Variants in PPP1R36 observed in about 807,000 individuals in gnomAD.
PPP1R36 encodes the protein protein phosphatase 1 regulatory subunit 36.
PPP1R36 carries 47 observed loss-of-function variants against 53.4 expected under a neutral mutation model. That is an observed-to-expected ratio of 0.88 (90% CI 0.70 to 1.12). PPP1R36 has a LOEUF of 1.12. Ranked by LOEUF, PPP1R36 falls within the 50% of genes most tolerant of loss-of-function variation. The pLI is 0.00. For synonymous variants in PPP1R36, 153 were observed against 170.5 expected, an observed-to-expected ratio of 0.90 and a Z score of 0.80; for missense variants, 456 against 513.9, an observed-to-expected ratio of 0.89 and a Z score of 1.09.
chr14:64,582,374 G>A (rs1357690301), intron 8 of PPP1R36, among the ~76,000 whole-genome samples: 3 of 152,120 alleles, frequency 2.0e-5, no homozygotes, highest in Non-Finnish European at 4.4e-5. Flanking sequence ...ATTTTGATTT[G>A]GAGCCAAGAG....
At position 64,589,329 on chromosome 14, in the gene PPP1R36, C is replaced by A. The variant is rs1242478341; in HGVS notation, c.1260C>A (p.Cys420Ter). The A allele has an allele frequency of 6.2e-7, 1 of 1,607,284 alleles. No homozygotes were observed. The highest frequency in any genetic ancestry group is 2.2e-5 in the East Asian group (1 of 44,684). Residue 420 changes from cysteine to a stop codon, truncating the protein, a stop_gained, in exon 12 of 12, where the codon TGC (cysteine) becomes TGA (stop). Coordinates refer to ENST00000298705, the MANE Select transcript of PPP1R36 (RefSeq NM_172365.3). LOFTEE classifies it high-confidence loss of function. Reference sequence around the variant, plus strand: ...AAACACTGTCCTCTCATACATCATGCCCTAAGTAACCTGGTACATTCCATA... The same window carrying A: ...AAACACTGTCCTCTCATACATCATGACCTAAGTAACCTGGTACATTCCATA... ...VMKTLSSHTS[C>*]PK
chr14:64,565,750 A>G, intron 6 of PPP1R36, 58 bp downstream of exon 6: 2 of 1,268,854 alleles, frequency 1.6e-6, no homozygotes, highest in South Asian at 2.4e-5. Context: ...CAGTAACTTC[A>G]TCTGATAAGT....
At chr14:64,554,442 CA>C (rs1192555304) in intron 3 of PPP1R36, among the ~76,000 whole-genome samples, 5 of 150,476 alleles carry the variant, frequency 3.3e-5, no homozygotes, top group Non-Finnish European at 7.4e-5. Flanking sequence ...TGAGCCACCA[CA>C]CCTGGCTTCA....
At chr14:64,564,873 T>TC in intron 4 of PPP1R36, 36 bp downstream of exon 4, 7 of 1,378,168 alleles carry the variant, frequency 5.1e-6, no homozygotes, top group Non-Finnish European at 6.1e-6. Flanking sequence ...GAGTTGCTGA[T>TC]AGCATCTCTC....
intron 3 of PPP1R36, among the ~76,000 whole-genome samples, chr14:64,554,951 A>G (rs1396074061): frequency 6.6e-6 from 1 of 152,144 alleles, no homozygotes; most frequent in Non-Finnish European, 1.5e-5. Context: ...CTTAGGAGAA[A>G]GGCAAGTGCA....
chr14:64,561,992 G>C (rs1378303921), intron 3 of PPP1R36: 3 of 335,292 alleles, frequency 8.9e-6, no homozygotes, highest in African/African-American at 6.5e-5. Context: ...ATGGATTCTA[G>C]AGAGAAAATA....
intron 2 of PPP1R36, chr14:64,551,519 C>A: frequency 2.4e-6 from 1 of 423,444 alleles, no homozygotes; most frequent in Middle Eastern, 4.6e-4. Context: ...AAGTGTATAG[C>A]TAAATTAATA....
Position 64,550,912 on chromosome 14 carries a change from G to A in PPP1R36, c.70-9G>A. ...TAATTATTTTTGCTGCAATCATTTC[G>A]TTTTACAGCAGTTGGGATTACGATT... On this transcript the variant is annotated splice_polypyrimidine_tract_variant and intron_variant, in intron 1 of 11. Transcript: ENST00000298705. The A allele has an allele frequency of 6.2e-6, 10 of 1,600,642 alleles. No individual in the cohort carries two copies. The highest frequency in any genetic ancestry group is 2.3e-5 in the South Asian group (2 of 88,816).
chr14:64,557,602 A>G lies in PPP1R36; in HGVS notation c.182+4741A>G, dbSNP rs552401347. Reference sequence around the variant, plus strand: ...TCAGTCTTTAAAATAAGGTTTGTACATTACAATTGGCTTGATATGTCTTAA... The same window carrying G: ...TCAGTCTTTAAAATAAGGTTTGTACGTTACAATTGGCTTGATATGTCTTAA... On this transcript the variant is annotated intron_variant, in intron 3 of 11. Coordinates refer to ENST00000298705, the MANE Select transcript of PPP1R36 (RefSeq NM_172365.3). Among the ~76,000 whole-genome samples, 247 of 152,320 alleles carry G rather than the reference A, an allele frequency of 1.6e-3. 1 individual carries two copies. Among genetic ancestry groups the G allele is most frequent in the African/African-American group, 5.6e-3 (233 of 41,560 alleles).
chr14:64,580,747 G>A (rs774596778), intron 8 of PPP1R36, among the ~76,000 whole-genome samples: 5 of 152,188 alleles, frequency 3.3e-5, no homozygotes, highest in Non-Finnish European at 7.4e-5. Flanking sequence ...TGATTCGGAA[G>A]TTTATATTGT....
At chr14:64,574,146 G>A (rs1466109785) in intron 7 of PPP1R36, among the ~76,000 whole-genome samples, 1 of 152,102 alleles carries the variant, frequency 6.6e-6, no homozygotes, top group African/African-American at 2.4e-5. Context: ...GGAGGCCAAG[G>A]GGAGGATCAC....
At chr14:64,551,075 T>G in intron 2 of PPP1R36, 90 bp downstream of exon 2, 1 of 800,674 alleles carries the variant, frequency 1.2e-6, no homozygotes, top group Non-Finnish European at 2.0e-6. Context: ...AGAGAATAAA[T>G]ACCCACTGAA....
chr14:64,559,485 A>T (rs2080186672), intron 3 of PPP1R36: 2 of 152,290 alleles, frequency 1.3e-5, no homozygotes, highest in Non-Finnish European at 2.9e-5. Context: ...GACAGAGGAG[A>T]CAGAGAAGGC....
chr14:64,583,163 T>C (rs1007676361), intron 8 of PPP1R36, among the ~76,000 whole-genome samples: 2 of 151,188 alleles, frequency 1.3e-5, no homozygotes, highest in Admixed American at 1.3e-4. Context: ...TCTGCCTGCC[T>C]TGGCTTTCCA....
chr14:64,552,175 C>T (rs2140212587), intron 2 of PPP1R36, among the ~76,000 whole-genome samples: 1 of 151,276 alleles, frequency 6.6e-6, no homozygotes, highest in Non-Finnish European at 1.5e-5. Flanking sequence ...TTGCCCTTCA[C>T]CCATATACAG....
In PPP1R36 at chr14:64,574,454, G is replaced by A. The variant is rs1321930391; in HGVS notation, c.534-1G>A. 1 of 1,608,426 alleles carries A rather than the reference G, an allele frequency of 6.2e-7. No individual in the cohort carries two copies. Among genetic ancestry groups the A allele is most frequent in the Admixed American group, 1.7e-5 (1 of 58,552 alleles). ...TCTCTTTTTTTTGTCCTCCCCATCA[G>A]AGGCCTTGTAGAGAAAAAAGAAATG... On this transcript the variant is annotated splice_acceptor_variant, in intron 7 of 11. Transcript: ENST00000298705. LOFTEE classifies it high-confidence loss of function.
chr14:64,588,178 C>T lies in PPP1R36; in HGVS notation c.965C>T (p.Pro322Leu), dbSNP rs2080451817. The T allele has an allele frequency of 6.2e-7, 1 of 1,613,860 alleles. No homozygotes were observed. Among genetic ancestry groups the T allele is most frequent in the Non-Finnish European group, 8.5e-7 (1 of 1,179,904 alleles). The change falls in exon 11 of 12, where the codon CCA becomes CTA. Residue 322 changes from proline (P) to leucine (L), a missense_variant. Transcript: ENST00000298705. ...MRSPVMSTLL[P>L]SLREKAQNVF... Reference sequence around the variant, plus strand: ...TCTCCAGTCATGTCTACTCTGCTGCCATCTCTCAGAGAAAAAGCTCAAAAC... The same window carrying T: ...TCTCCAGTCATGTCTACTCTGCTGCTATCTCTCAGAGAAAAAGCTCAAAAC...
intron 3 of PPP1R36, among the ~76,000 whole-genome samples, chr14:64,554,459 A>G (rs528959796): frequency 6.6e-6 from 1 of 152,148 alleles, no homozygotes; most frequent in South Asian, 2.1e-4. Context: ...CTTCATCACA[A>G]ATTTTAACAG....
chr14:64,585,516 C>CAA (rs57102182), intron 8 of PPP1R36, among the ~76,000 whole-genome samples: 7,720 of 108,526 alleles, frequency 0.071, 449 homozygotes, highest in African/African-American at 0.17. Flanking sequence ...GACCCTGTCT[C>CAA]AAAAAAAAAA....
Sources: gnomAD v4.1 joint callset for allele counts (sites outside exome capture counted in the v4.1 genomes callset) on GRCh38, gnomAD v4.1.1 for gene constraint, MANE v1.5 for transcripts, NCBI Gene and HGNC (gene_info 2026-07-23, HGNC 2026-07-21) for gene names.